Variants in CLCN3 observed in about 807,000 individuals in gnomAD.
CLCN3 encodes Cl-/H+ antiporter 3.
Under a neutral mutation model 83.4 loss-of-function variants are expected in CLCN3, and 16 were observed. That is an observed-to-expected ratio of 0.19 (90% CI 0.13 to 0.29). The LOEUF (loss-of-function observed/expected upper bound fraction) is 0.29, where lower values mean the gene tolerates loss of function less well. Among genes scored for constraint, CLCN3 ranks in the 10% least tolerant of loss-of-function variants. CLCN3 has a pLI of 1.00. For missense variants in CLCN3, 544 were observed against 1,006.0 expected, an observed-to-expected ratio of 0.54 and a Z score of 6.21; for synonymous variants, 322 against 346.2, an observed-to-expected ratio of 0.93 and a Z score of 0.78.
chr4:169,681,715 AT>A (rs996181923), intron 3 of CLCN3, among the ~76,000 whole-genome samples: 19 of 152,194 alleles, frequency 1.2e-4, no homozygotes, highest in African/African-American at 4.3e-4. Flanking sequence ...TTAAAAAAAA[AT>A]AATTCATTTA....
Position 169,687,729 on chromosome 4 carries a change from A to G in CLCN3, c.390A>G (p.Leu130=), listed in dbSNP as rs145471084. The change falls in exon 4 of 13, where the codon CTA becomes CTG. Residue 130 remains leucine, a synonymous_variant. Coordinates refer to ENST00000513761, the MANE Select transcript of CLCN3 (RefSeq NM_001829.4). Reference sequence around the variant, plus strand: ...TGTATGATGCGTGGTCAGGATGGCTAGTAGTAACACTAACAGGATTGGCAT... The same window carrying G: ...TGTATGATGCGTGGTCAGGATGGCTGGTAGTAACACTAACAGGATTGGCAT... ...KSLYDAWSGW[L]VVTLTGLASG... The G allele has an allele frequency of 1.9e-6, 3 of 1,604,332 alleles. No individual in the cohort carries two copies. The highest frequency in any genetic ancestry group is 2.6e-6 in the Non-Finnish European group (3 of 1,174,684).
intron 11 of CLCN3, among the ~76,000 whole-genome samples, chr4:169,710,965 T>C (rs915610743): frequency 6.6e-6 from 1 of 152,192 alleles, no homozygotes; most frequent in Non-Finnish European, 1.5e-5. Flanking sequence ...CACATGAGAT[T>C]AGAGACGTGT....
chr4:169,682,089 A>G (rs1455727891), intron 3 of CLCN3, among the ~76,000 whole-genome samples: 3 of 152,222 alleles, frequency 2.0e-5, no homozygotes, highest in East Asian at 1.9e-4. Context: ...AACTGCATCA[A>G]TGAACTTTGT....
intron 2 of CLCN3, among the ~76,000 whole-genome samples, chr4:169,651,556 C>T (rs527647428): frequency 6.6e-6 from 1 of 152,274 alleles, no homozygotes; most frequent in South Asian, 2.1e-4. Context: ...CTACACACAT[C>T]CTCTTATATG....
intron 2 of CLCN3, among the ~76,000 whole-genome samples, chr4:169,669,276 A>T (rs1731369610): frequency 6.6e-6 from 1 of 152,204 alleles, no homozygotes; most frequent in South Asian, 2.1e-4. Flanking sequence ...GGCTGAGCAG[A>T]TACATATATG....
intron 2 of CLCN3, among the ~76,000 whole-genome samples, chr4:169,641,795 C>T (rs1730420681): frequency 6.6e-6 from 1 of 152,162 alleles, no homozygotes; most frequent in Non-Finnish European, 1.5e-5. Flanking sequence ...CCTGTAAACG[C>T]AGAAACATGG....
Position 169,697,199 on chromosome 4 carries a change from A to G in CLCN3, c.1028A>G (p.Tyr343Cys). Residue 343 changes from tyrosine (Y) to cysteine (C), a missense_variant, in exon 9 of 13, where the codon TAT becomes TGT. Physicochemically the swap from Tyr to Cys is radical, Grantham distance 194. This residue lies in a region of CLCN3 where 194 missense variants were observed against 341.4 expected (regional missense o/e 0.57). Coordinates refer to ENST00000513761, the MANE Select transcript of CLCN3 (RefSeq NM_001829.4). Reference sequence around the variant, plus strand: ...TTTTCTTTTTTTTAGGTTAGCTATTATTTTCCTCTCAAAACTTTATGGAGA... The same window carrying G: ...TTTTCTTTTTTTTAGGTTAGCTATTGTTTTCCTCTCAAAACTTTATGGAGA... ...VLFSLEEVSY[Y>C]FPLKTLWRSF... 1 of 1,569,334 alleles carries G rather than the reference A, an allele frequency of 6.4e-7. No individual in the cohort carries two copies. Among genetic ancestry groups the G allele is most frequent in the Non-Finnish European group, 8.6e-7 (1 of 1,164,894 alleles).
chr4:169,667,714 TAGA>T (rs774037233), intron 2 of CLCN3, among the ~76,000 whole-genome samples: 6 of 151,928 alleles, frequency 3.9e-5, no homozygotes, highest in Non-Finnish European at 7.4e-5. Flanking sequence ...TATACAGTTG[TAGA>T]AGAACTCATT....
At chr4:169,625,409 T>C (rs1050792555) in intron 1 of CLCN3, among the ~76,000 whole-genome samples, 34 of 152,198 alleles carry the variant, frequency 2.2e-4, no homozygotes, top group Non-Finnish European at 4.4e-5. Context: ...GAAAAATTAG[T>C]GTGCATATCT....
chr4:169,678,608 G>A (rs529210467), intron 2 of CLCN3, among the ~76,000 whole-genome samples: 1 of 152,210 alleles, frequency 6.6e-6, no homozygotes, highest in South Asian at 2.1e-4. Flanking sequence ...AGATTAGGGA[G>A]TGGTGATGAC....
intron 2 of CLCN3, among the ~76,000 whole-genome samples, chr4:169,664,061 T>C (rs552176050): frequency 6.6e-6 from 1 of 152,286 alleles, no homozygotes; most frequent in East Asian, 1.9e-4. Flanking sequence ...TATAATAAAA[T>C]GAGTAAATGC....
At chr4:169,690,140 T>TC (rs1372058581) in intron 5 of CLCN3, among the ~76,000 whole-genome samples, 41 of 143,064 alleles carry the variant, frequency 2.9e-4, no homozygotes, top group African/African-American at 3.6e-4. Context: ...TTTCTTTCTT[T>TC]TTTTTTTTTT....
At chr4:169,645,824 G>C (rs1243013555) in intron 2 of CLCN3, among the ~76,000 whole-genome samples, 2 of 152,054 alleles carry the variant, frequency 1.3e-5, no homozygotes, top group Non-Finnish European at 2.9e-5. Flanking sequence ...AAAGTTAAGG[G>C]CCCCTCGTAT....
chr4:169,708,709 ATG>A (rs893356448), intron 11 of CLCN3, among the ~76,000 whole-genome samples: 1 of 152,068 alleles, frequency 6.6e-6, no homozygotes, highest in Non-Finnish European at 1.5e-5. Flanking sequence ...GATTGTGTGG[ATG>A]TGTTTTTTAA....
intron 11 of CLCN3, 71 bp downstream of exon 11, chr4:169,707,337 A>G (rs976340154): frequency 2.0e-5 from 24 of 1,194,234 alleles, no homozygotes; most frequent in African/African-American, 3.0e-5. Context: ...AATAAGCAGT[A>G]ACATTTAATG....
Position 169,713,210 on chromosome 4 carries a change from A to G in CLCN3, c.2281A>G (p.Thr761Ala), listed in dbSNP as rs1241421595. ...AAGCATTCTTGACATGAGCCCTTTT[A>G]CAGTGACAGACCACACCCCAATGGA... ...LRSILDMSPF[T>A]VTDHTPMEIV... The change falls in exon 12 of 13, where the codon ACA becomes GCA. Residue 761 changes from threonine to alanine, a missense_variant. Thr to Ala is a moderately conservative substitution (Grantham distance 58). Coordinates refer to ENST00000513761, the MANE Select transcript of CLCN3 (RefSeq NM_001829.4). The G allele has an allele frequency of 6.2e-7, 1 of 1,614,150 alleles. No individual in the cohort carries two copies. The highest frequency in any genetic ancestry group is 2.2e-5 in the East Asian group (1 of 44,880).
At chr4:169,708,080 A>G (rs1030706175) in intron 11 of CLCN3, among the ~76,000 whole-genome samples, 1 of 152,124 alleles carries the variant, frequency 6.6e-6, no homozygotes, top group African/African-American at 2.4e-5. Context: ...GTTACTCCCC[A>G]GGTTTTAGTG....
At chr4:169,701,697 A>C (rs142081620) in intron 9 of CLCN3, among the ~76,000 whole-genome samples, 48 of 152,306 alleles carry the variant, frequency 3.2e-4, no homozygotes, top group Middle Eastern at 6.8e-3. Context: ...GCAGGAGTGA[A>C]AGTTTATTAT....
At chr4:169,638,693 T>A (rs1274653712) in intron 2 of CLCN3, among the ~76,000 whole-genome samples, 4 of 152,172 alleles carry the variant, frequency 2.6e-5, no homozygotes, top group Non-Finnish European at 5.9e-5. Flanking sequence ...TGCCGTCAAG[T>A]GCTGGTGATG....
Sources: gnomAD v4.1 joint callset for allele counts (sites outside exome capture counted in the v4.1 genomes callset) on GRCh38, gnomAD v4.1.1 for gene constraint, gnomAD v4.1.1 regional missense constraint, MANE v1.5 for transcripts, NCBI Gene and HGNC (gene_info 2026-07-23, HGNC 2026-07-21) for gene names.